AGBL4: variants seen among roughly 807,000 people sequenced by gnomAD.
The protein encoded by AGBL4 is AGBL carboxypeptidase 4, also known as cytosolic carboxypeptidase 6.
In AGBL4, 58 loss-of-function variants were observed where a neutral mutation model predicts 66.4. The ratio of observed to expected loss-of-function variants is 0.87; its 90% confidence interval spans 0.71 to 1.09. AGBL4 has a LOEUF of 1.09. Among genes scored for constraint, AGBL4 ranks in the 50% least tolerant of loss-of-function variants. AGBL4 has a pLI of 0.00. For synonymous variants in AGBL4, 234 were observed against 222.9 expected, an observed-to-expected ratio of 1.05 and a Z score of -0.44; for missense variants, 579 against 631.0, an observed-to-expected ratio of 0.92 and a Z score of 0.88.
intron 3 of AGBL4, among the ~76,000 whole-genome samples, chr1:49,465,484 C>G (rs1027730577): frequency 6.6e-6 from 1 of 151,780 alleles, no homozygotes; most frequent in African/African-American, 2.4e-5. Flanking sequence ...AATCTGTCCT[C>G]TCCCTATCTC....
At chr1:49,240,502 C>T (rs1651135792) in intron 4 of AGBL4, among the ~76,000 whole-genome samples, 1 of 151,834 alleles carries the variant, frequency 6.6e-6, no homozygotes, top group Non-Finnish European at 1.5e-5. Context: ...TTAGTCCCTC[C>T]ACCCTGTTAA....
intron 1 of AGBL4, among the ~76,000 whole-genome samples, chr1:49,894,797 T>G (rs1166441353): frequency 6.6e-6 from 1 of 152,122 alleles, no homozygotes; most frequent in Non-Finnish European, 1.5e-5. Flanking sequence ...CAGCCAAATC[T>G]AAGATTTACT....
intron 3 of AGBL4, among the ~76,000 whole-genome samples, chr1:49,641,871 A>G (rs1438517505): frequency 6.6e-6 from 1 of 152,066 alleles, no homozygotes; most frequent in Non-Finnish European, 1.5e-5. Context: ...TGCACAATGA[A>G]TATGGTTGTA....
chr1:48,604,851 C>T (rs1645132247), intron 9 of AGBL4, among the ~76,000 whole-genome samples: 1 of 152,178 alleles, frequency 6.6e-6, no homozygotes, highest in African/African-American at 2.4e-5. Context: ...GTGTGGGTAA[C>T]AAACAAGCTT....
chr1:48,961,667 T>C (rs752119892), intron 5 of AGBL4, among the ~76,000 whole-genome samples: 5 of 152,116 alleles, frequency 3.3e-5, no homozygotes, highest in African/African-American at 7.2e-5. Flanking sequence ...GGAATTCACA[T>C]TGGGAAGCCC....
chr1:48,786,236 A>T (rs1047682236), intron 6 of AGBL4, among the ~76,000 whole-genome samples: 4 of 152,210 alleles, frequency 2.6e-5, no homozygotes, highest in African/African-American at 7.2e-5. Context: ...AACTGTACTA[A>T]CTGCTTTACA....
intron 5 of AGBL4, among the ~76,000 whole-genome samples, chr1:48,875,629 G>A (rs1351454075): frequency 6.6e-6 from 1 of 152,114 alleles, no homozygotes; most frequent in Admixed American, 6.6e-5. Flanking sequence ...CAACTTAAAG[G>A]AGCATCTTGG....
chr1:49,058,853 T>C (rs1644351959), intron 4 of AGBL4, among the ~76,000 whole-genome samples: 1 of 152,204 alleles, frequency 6.6e-6, no homozygotes, highest in African/African-American at 2.4e-5. Context: ...AAGAGACTGG[T>C]GGCATTTTGC....
In AGBL4 at chr1:49,497,755, T is replaced by C. The variant is rs184506298; in HGVS notation, c.282+199558A>G. On this transcript the variant is annotated intron_variant, in intron 3 of 13. Transcript: ENST00000371839. ...TTCTTGGTCAATGTGTCTATTTCCATGCCAGTGCCATGCTGTTTTCATTAC... is the reference window on the plus strand; with the variant it reads ...TTCTTGGTCAATGTGTCTATTTCCACGCCAGTGCCATGCTGTTTTCATTAC... Among the ~76,000 whole-genome samples, 3 of 152,182 alleles carry C rather than the reference T, an allele frequency of 2.0e-5. No individual in the cohort carries two copies. In the East Asian group the frequency reaches 5.8e-4, roughly 29 times the overall value.
At chr1:49,139,406 C>T (rs1418993755) in intron 4 of AGBL4, among the ~76,000 whole-genome samples, 1 of 152,124 alleles carries the variant, frequency 6.6e-6, no homozygotes, top group Non-Finnish European at 1.5e-5. Context: ...TTCATCCATT[C>T]TCTTACTATT....
In AGBL4 at chr1:48,998,004, G is replaced by C. The variant is rs538921128; in HGVS notation, c.594+47580C>G. 2.0e-5 allele frequency among the ~76,000 whole-genome samples: 3 copies of C among 152,258 alleles called. No homozygotes were observed. The East Asian group carries it at 5.8e-4, about 29-fold the overall frequency. On this transcript the variant is annotated intron_variant, in intron 5 of 13. Transcript: ENST00000371839. Reference sequence around the variant, plus strand: ...AGATGATGGTGAATACAACTTCTTTGGGTATTCCAAAAACAGAAAGAACCC... The same window carrying C: ...AGATGATGGTGAATACAACTTCTTTCGGTATTCCAAAAACAGAAAGAACCC...
chr1:49,763,999 G>GC (rs1440587488), intron 2 of AGBL4, among the ~76,000 whole-genome samples: 3 of 152,054 alleles, frequency 2.0e-5, no homozygotes, highest in African/African-American at 7.2e-5. Flanking sequence ...TTCCCACCTG[G>GC]CCAGCGCAGG....
At chr1:49,052,414 C>G (rs1228552788) in intron 4 of AGBL4, among the ~76,000 whole-genome samples, 1 of 152,178 alleles carries the variant, frequency 6.6e-6, no homozygotes, top group Non-Finnish European at 1.5e-5. Context: ...GAACAAGGAG[C>G]TAGGAGTTGG....
intron 6 of AGBL4, among the ~76,000 whole-genome samples, chr1:48,798,910 C>T (rs771645765): frequency 5.3e-5 from 8 of 152,122 alleles, no homozygotes; most frequent in South Asian, 2.1e-4. Flanking sequence ...TGCTGTACCA[C>T]GTAACTATAG....
intron 5 of AGBL4, among the ~76,000 whole-genome samples, chr1:49,036,329 C>G (rs1384305967): frequency 6.6e-6 from 1 of 152,050 alleles, no homozygotes; most frequent in Non-Finnish European, 1.5e-5. Context: ...GGCAATAGTC[C>G]TATTCTGCTG....
intron 1 of AGBL4, among the ~76,000 whole-genome samples, chr1:49,866,117 G>C (rs919217891): frequency 1.5e-4 from 23 of 152,098 alleles, no homozygotes; most frequent in Non-Finnish European, 5.9e-5. Context: ...TATAAAAGGA[G>C]CAACTCTACA....
intron 3 of AGBL4, among the ~76,000 whole-genome samples, chr1:49,616,115 A>G (rs1489054532): frequency 6.6e-6 from 1 of 152,170 alleles, no homozygotes; most frequent in Non-Finnish European, 1.5e-5. Flanking sequence ...TAGTACCACC[A>G]TGTGCCAGGC....
chr1:49,535,426 A>G (rs949366598), intron 3 of AGBL4, among the ~76,000 whole-genome samples: 3 of 149,362 alleles, frequency 2.0e-5, no homozygotes, highest in African/African-American at 4.9e-5. Flanking sequence ...TGAAATCACA[A>G]AAGTGTTAGA....
intron 5 of AGBL4, among the ~76,000 whole-genome samples, chr1:49,013,934 C>T (rs890595527): frequency 6.6e-6 from 1 of 152,120 alleles, no homozygotes; most frequent in African/African-American, 2.4e-5. Context: ...ATTTGTCCAC[C>T]CCTTTCTTGT....
Sources: allele counts gnomAD v4.1 joint callset (sites outside exome capture counted in the v4.1 genomes callset), GRCh38; gene constraint gnomAD v4.1.1; transcripts MANE v1.5; gene names NCBI Gene and HGNC (gene_info 2026-07-23, HGNC 2026-07-21).